The following DNAH14 variants were observed in gnomAD, a reference collection of about 807,000 sequenced individuals.
DNAH14 encodes axonemal beta dynein heavy chain 14.
Under a neutral mutation model 520.9 loss-of-function variants are expected in DNAH14, and 478 were observed. The observed-to-expected ratio is 0.92, with a 90% confidence interval of 0.85 to 0.99. DNAH14 has a LOEUF of 0.99. Ranked by LOEUF, DNAH14 falls within the 50% of genes least tolerant of loss-of-function variation. DNAH14 has a pLI of 0.00. For missense variants in DNAH14, 4,831 were observed against 5,234.5 expected (o/e 0.92, Z 2.38); for synonymous variants, 1,581 against 1,757.2 (o/e 0.90, Z 2.51).
chr1:225,307,439 T>C, intron 58 of DNAH14, 22 bp from the exon 59 acceptor site: 1 of 1,472,982 alleles, frequency 6.8e-7, no homozygotes, highest in Non-Finnish European at 9.2e-7. Flanking sequence ...TTACACCTTC[T>C]TAATACTTTT....
chr1:225,114,641 A>C (rs1401489734), intron 23 of DNAH14, among the ~76,000 whole-genome samples: 1 of 152,182 alleles, frequency 6.6e-6, no homozygotes, highest in Non-Finnish European at 1.5e-5. Context: ...CCACAGAAGC[A>C]AGGCTTACCA....
At chr1:225,112,144 A>G (rs1190635683) in intron 23 of DNAH14, among the ~76,000 whole-genome samples, 1 of 152,144 alleles carries the variant, frequency 6.6e-6, no homozygotes, top group African/African-American at 2.4e-5. Context: ...CATTTCTTGT[A>G]TAACATGTGT....
intron 38 of DNAH14, among the ~76,000 whole-genome samples, chr1:225,200,816 C>T (rs181631593): frequency 1.3e-5 from 2 of 152,236 alleles, no homozygotes; most frequent in East Asian, 3.9e-4. Context: ...CTTTAGATAT[C>T]CTGATGACAG....
Position 225,147,105 on chromosome 1 carries a change from TAGTG to T in DNAH14, c.4799_4802del (p.Val1600GlufsTer7), listed in dbSNP as rs1398066214. 79 of 1,502,500 alleles carry T rather than the reference TAGTG, an allele frequency of 5.3e-5. No individual in the cohort carries two copies. Among genetic ancestry groups the T allele is most frequent in the Admixed American group, 1.0e-4 (4 of 39,954 alleles). The allele number at this position is 1,502,500 out of a possible 1,614,324, so 93.1% of individuals were successfully genotyped here. ...TCAATCTCTTTTTTTTTTTAAAAGA[TAGTG>T]AGAAAATTTTTCTTTGGACTAGTTC... On this transcript the variant is annotated frameshift_variant and splice_region_variant, in exon 31 of 86. Coordinates refer to ENST00000682510, the MANE Select transcript of DNAH14 (RefSeq NM_001367479.1). LOFTEE classifies it high-confidence loss of function.
intron 20 of DNAH14, among the ~76,000 whole-genome samples, chr1:225,085,105 G>A (rs76325262): frequency 0.053 from 8,002 of 152,092 alleles, 322 homozygotes; most frequent in Non-Finnish European, 0.078. Flanking sequence ...ATAGGGATTG[G>A]GCATTATTCT....
At chr1:224,954,445 T>C (rs1045686789) in intron 2 of DNAH14, 1 of 152,598 alleles carries the variant, frequency 6.6e-6, no homozygotes, top group Non-Finnish European at 1.5e-5. Flanking sequence ...GGCAGTAATT[T>C]TGGATTCTGT....
At chr1:225,220,335 CTG>C (rs1162937680) in intron 41 of DNAH14, among the ~76,000 whole-genome samples, 3 of 152,054 alleles carry the variant, frequency 2.0e-5, no homozygotes, top group Admixed American at 2.0e-4. Context: ...AAGAAATAAA[CTG>C]TATTCAAATA....
chr1:225,045,992 C>T (rs971490014), intron 15 of DNAH14, among the ~76,000 whole-genome samples: 8 of 152,016 alleles, frequency 5.3e-5, no homozygotes, highest in Non-Finnish European at 1.2e-4. Context: ...ATCCCATATA[C>T]ATTCATGAAT....
intron 23 of DNAH14, among the ~76,000 whole-genome samples, chr1:225,112,153 G>A (rs2076533863): frequency 6.6e-6 from 1 of 151,980 alleles, no homozygotes; most frequent in East Asian, 1.9e-4. Flanking sequence ...TATAACATGT[G>A]TCATCTTGGT....
intron 75 of DNAH14, among the ~76,000 whole-genome samples, chr1:225,361,647 G>C (rs141004359): frequency 7.2e-5 from 11 of 152,164 alleles, no homozygotes; most frequent in African/African-American, 2.7e-4. Flanking sequence ...AAACCAAAAT[G>C]CAACTGCATG....
chr1:225,176,438 A>G lies in DNAH14; in HGVS notation c.5535+8410A>G, dbSNP rs186142158. On this transcript the variant is annotated intron_variant, in intron 36 of 85. Transcript: ENST00000682510. ...ATGTCTATGTTATATCTGTTGGGGG[A>G]AATATTCTATTAGGTTCACTTCGTC... Among the ~76,000 whole-genome samples, 130 of 152,256 alleles carry G rather than the reference A, an allele frequency of 8.5e-4. 1 individual carries two copies. Among genetic ancestry groups the G allele is most frequent in the African/African-American group, 3.0e-3 (125 of 41,548 alleles).
At chr1:225,277,718 A>G (rs760611161) in intron 54 of DNAH14, among the ~76,000 whole-genome samples, 56 of 152,340 alleles carry the variant, frequency 3.7e-4, no homozygotes, top group Non-Finnish European at 6.8e-4. Flanking sequence ...CTTGATGTGA[A>G]TAAAACTGCA....
chr1:225,306,200 G>T (rs750847619), intron 58 of DNAH14, among the ~76,000 whole-genome samples: 2 of 152,176 alleles, frequency 1.3e-5, no homozygotes, highest in African/African-American at 2.4e-5. Flanking sequence ...TGGGGTCAGG[G>T]TCTAATTTTA....
At chr1:225,323,906 C>T (rs2094602873) in intron 62 of DNAH14, among the ~76,000 whole-genome samples, 1 of 152,148 alleles carries the variant, frequency 6.6e-6, no homozygotes, top group Non-Finnish European at 1.5e-5. Context: ...ACCTCTCACT[C>T]CTGGGTTCAA....
At chr1:225,111,890 C>A (rs12565823) in intron 23 of DNAH14, among the ~76,000 whole-genome samples, 8,361 of 152,134 alleles carry the variant, frequency 0.055, 467 homozygotes, top group East Asian at 0.24. Context: ...ACACTGATTG[C>A]ATAAACAAAC....
intron 77 of DNAH14, among the ~76,000 whole-genome samples, chr1:225,369,053 G>A (rs968405395): frequency 6.6e-6 from 1 of 151,898 alleles, no homozygotes; most frequent in Non-Finnish European, 1.5e-5. Context: ...GTAAATAATT[G>A]ATATTTTTAT....
intron 12 of DNAH14, among the ~76,000 whole-genome samples, chr1:225,040,190 C>T (rs1191325064): frequency 6.6e-6 from 1 of 151,990 alleles, no homozygotes; most frequent in Non-Finnish European, 1.5e-5. Context: ...CTGCCCGCCT[C>T]GGCCTCCCGA....
chr1:225,352,324 T>C (rs3913654), intron 72 of DNAH14, among the ~76,000 whole-genome samples: 55,681 of 151,934 alleles, frequency 0.37, 11,047 homozygotes, highest in East Asian at 0.61. Flanking sequence ...CGCTACTACC[T>C]TCACTCATAA....
At chr1:225,217,605 A>G (rs532748356) in intron 41 of DNAH14, among the ~76,000 whole-genome samples, 2 of 152,076 alleles carry the variant, frequency 1.3e-5, no homozygotes, top group South Asian at 2.1e-4. Flanking sequence ...GCAATGGTGG[A>G]CGCCCCTCCC....
Sources: allele counts gnomAD v4.1 joint callset (sites outside exome capture counted in the v4.1 genomes callset), GRCh38; gene constraint gnomAD v4.1.1; transcripts MANE v1.5; gene names NCBI Gene and HGNC (gene_info 2026-07-23, HGNC 2026-07-21).